Variants in GJA1 observed in about 807,000 individuals in gnomAD.
The protein encoded by GJA1 is gap junction alpha-1 protein.
Under a neutral mutation model 31.0 loss-of-function variants are expected in GJA1, and 9 were observed. The observed-to-expected ratio is 0.29, with a 90% CI of 0.17 to 0.51. The LOEUF (loss-of-function observed/expected upper bound fraction) is 0.51. Among genes scored for constraint, GJA1 ranks in the 20% least tolerant of loss-of-function variants. GJA1 has a pLI of 0.98. For missense variants in GJA1, 278 were observed against 468.8 expected (o/e 0.59, Z 3.76); for synonymous variants, 186 against 180.1 (o/e 1.03, Z -0.26).
In GJA1 at chr6:121,436,380, A is replaced by G. The variant is rs1447719123; in HGVS notation, c.-17+548A>G. ...TTCTTTTGTGACGAAGTGCTTTGTT[A>G]AAACATCGTGGTTACTTGACTTCCA... On this transcript the variant is annotated intron_variant, in intron 1 of 1. Transcript: ENST00000282561. Among the ~76,000 whole-genome samples the G allele has an allele frequency of 2.0e-5, 3 of 152,326 alleles. No individual in the cohort carries two copies. In the East Asian group the frequency reaches 5.8e-4, roughly 29 times the overall value.
chr6:121,436,706 G>T (rs949846322), intron 1 of GJA1, among the ~76,000 whole-genome samples: 3 of 151,882 alleles, frequency 2.0e-5, no homozygotes, highest in African/African-American at 7.3e-5. Flanking sequence ...AGAAAGAGCA[G>T]GAAAAAAACT....
chr6:121,448,242 T>TA lies in GJA1; in HGVS notation c.*247dup. The TA allele has an allele frequency of 3.5e-6, 2 of 564,530 alleles. No homozygotes were observed. Among genetic ancestry groups the TA allele is most frequent in the Non-Finnish European group, 6.5e-6 (2 of 306,750 alleles). 35.0% of individuals were successfully genotyped at this position (564,530 alleles called of 1,614,324 possible). On this transcript the variant is annotated 3_prime_UTR_variant, in exon 2 of 2. Coordinates refer to ENST00000282561, the MANE Select transcript of GJA1 (RefSeq NM_000165.5). ...TTTAAAGTAGTGGATTCAAAGAACT[T>TA]AGATTATAAATAAGAGTTCCATTAG...
intron 1 of GJA1, among the ~76,000 whole-genome samples, chr6:121,440,830 C>T (rs1329483673): frequency 1.3e-5 from 2 of 152,134 alleles, no homozygotes; most frequent in East Asian, 3.9e-4. Flanking sequence ...CAGCCTCCGC[C>T]TCCCGGGTTC....
rs1380209886 is a variant in GJA1, at chr6:121,448,586, T to G, written c.*590T>G. 5.9e-6 allele frequency: 1 copy of G among 170,528 alleles called. No homozygotes were observed. Among genetic ancestry groups the G allele is most frequent in the Non-Finnish European group, 1.4e-5 (1 of 70,140 alleles). The allele number at this position is 170,528 out of a possible 1,614,324, so 10.6% of individuals were successfully genotyped here. ...TTTATTCTTGGTATCAGTTTAAAAT[T>G]CAGACAAGGCCCACAGAATAAGATT... On this transcript the variant is annotated 3_prime_UTR_variant, in exon 2 of 2. Transcript: ENST00000282561.
In GJA1 at chr6:121,449,104, T is replaced by C. The variant is rs1341618193; in HGVS notation, c.*1108T>C. 1.2e-5 allele frequency: 2 copies of C among 166,678 alleles called. No homozygotes were observed. The highest frequency in any genetic ancestry group is 2.9e-5 in the Non-Finnish European group (2 of 68,130). 10.3% of individuals were successfully genotyped at this position (166,678 alleles called of 1,614,324 possible). A position where few individuals can be genotyped will look rare whatever the true frequency, so the allele number is the denominator to read the frequency against. On this transcript the variant is annotated 3_prime_UTR_variant, in exon 2 of 2. Transcript: ENST00000282561. Reference sequence around the variant, plus strand: ...TTTATTTTCTCTCCTTTTTTTAGGATATAGCAGTAATGCTATTACTGAAAT... The same window carrying C: ...TTTATTTTCTCTCCTTTTTTTAGGACATAGCAGTAATGCTATTACTGAAAT...
Position 121,448,443 on chromosome 6 carries a change from G to A in GJA1, c.*447G>A, listed in dbSNP as rs1233953276. ...TCTTAGGTCTTTTCAACAAGAAAAA[G>A]ACAGAGGATTGTCCTTAAGTCCCTG... is the stretch of plus-strand genomic sequence containing the variant. On this transcript the variant is annotated 3_prime_UTR_variant, in exon 2 of 2. Transcript: ENST00000282561. 2 of 215,250 alleles carry A rather than the reference G, an allele frequency of 9.3e-6. No individual in the cohort carries two copies. Among genetic ancestry groups the A allele is most frequent in the Non-Finnish European group, 2.1e-5 (2 of 96,286 alleles). 13.3% of individuals were successfully genotyped at this position (215,250 alleles called of 1,614,324 possible). A position where few individuals can be genotyped will look rare whatever the true frequency, so the allele number is the denominator to read the frequency against.
At position 121,447,618 on chromosome 6, in the gene GJA1, C is replaced by T. The variant is rs1376869681; in HGVS notation, c.771C>T (p.Ala257=). 1 of 1,613,710 alleles carries T rather than the reference C, an allele frequency of 6.2e-7. No individual in the cohort carries two copies. The highest frequency in any genetic ancestry group is 8.5e-7 in the Non-Finnish European group (1 of 1,179,934). ...YHATSGALSP[A]KDCGSQKYAY... ...CGACCAGTGGTGCGCTGAGCCCTGC[C>T]AAAGACTGTGGGTCTCAAAAATATG... The change falls in exon 2 of 2, where the codon GCC becomes GCT. Residue 257 remains alanine, a synonymous_variant. Transcript: ENST00000282561.
Position 121,447,975 on chromosome 6 carries a change from G to A in GJA1, c.1128G>A (p.Arg376=), listed in dbSNP as rs145215218. The change falls in exon 2 of 2, where the codon CGG becomes CGA. Residue 376 remains arginine (R), a synonymous_variant. Coordinates refer to ENST00000282561, the MANE Select transcript of GJA1 (RefSeq NM_000165.5). ...RASSRASSRP[R]PDDLEI Reference sequence around the variant, plus strand: ...GCAGTCGTGCCAGCAGCAGACCTCGGCCTGATGACCTGGAGATCTAGATAC... The same window carrying A: ...GCAGTCGTGCCAGCAGCAGACCTCGACCTGATGACCTGGAGATCTAGATAC... 8.4e-4 allele frequency: 1,353 copies of A among 1,613,208 alleles called. 2 individuals are homozygous for A. The highest frequency in any genetic ancestry group is 1.1e-3 in the Non-Finnish European group (1,276 of 1,179,780).
chr6:121,436,573 G>A (rs1009722315), intron 1 of GJA1, among the ~76,000 whole-genome samples: 2 of 152,226 alleles, frequency 1.3e-5, no homozygotes, highest in African/African-American at 4.8e-5. Flanking sequence ...CACGTTGGCA[G>A]TTTAGGAGAT....
rs903940354 is a variant in GJA1 at position 121,448,988 on chromosome 6, G to T, written c.*992G>T. On this transcript the variant is annotated 3_prime_UTR_variant, in exon 2 of 2. Transcript: ENST00000282561. ...ATGGTGTTTACATTATATAATTCCT[G>T]CTGTGGCAAGTAAAGCACACTTTTT... The T allele has an allele frequency of 6.0e-6, 1 of 166,022 alleles. No homozygotes were observed. The highest frequency in any genetic ancestry group is 1.5e-5 in the Non-Finnish European group (1 of 68,106). 10.3% of individuals were successfully genotyped at this position (166,022 alleles called of 1,614,324 possible). A position where few individuals can be genotyped will look rare whatever the true frequency, so the allele number is the denominator to read the frequency against.
At chr6:121,446,702 T>C in intron 1 of GJA1, 130 bp from the exon 2 acceptor site, 2 of 754,616 alleles carry the variant, frequency 2.7e-6, no homozygotes, top group South Asian at 3.1e-5. Context: ...TTGCACTTGG[T>C]TTTTTGTGAA....
intron 1 of GJA1, among the ~76,000 whole-genome samples, chr6:121,441,518 A>G (rs1474983565): frequency 6.6e-6 from 1 of 152,206 alleles, no homozygotes; most frequent in Admixed American, 6.5e-5. Context: ...AATATTTACT[A>G]TATCAAGTAG....
At chr6:121,437,154 G>T (rs909217454) in intron 1 of GJA1, among the ~76,000 whole-genome samples, 3 of 152,154 alleles carry the variant, frequency 2.0e-5, no homozygotes, top group Non-Finnish European at 4.4e-5. Flanking sequence ...TTCGCTGCCC[G>T]AACCAGCTCG....
Position 121,448,507 on chromosome 6 carries a change from A to C in GJA1, c.*511A>C. ...TTGTTAAAATTTGCACTTTGAAGGT[A>C]AGCTTTCTAGGCCTGACCCTCCAGG... On this transcript the variant is annotated 3_prime_UTR_variant, in exon 2 of 2. Transcript: ENST00000282561. 5.5e-6 allele frequency: 1 copy of C among 181,624 alleles called. No homozygotes were observed. Among genetic ancestry groups the C allele is most frequent in the South Asian group, 1.5e-4 (1 of 6,752 alleles). 11.3% of individuals were successfully genotyped at this position (181,624 alleles called of 1,614,324 possible).
At chr6:121,444,274 C>A (rs1395961463) in intron 1 of GJA1, among the ~76,000 whole-genome samples, 1 of 152,134 alleles carries the variant, frequency 6.6e-6, no homozygotes, top group Admixed American at 6.5e-5. Flanking sequence ...TAAAATGACC[C>A]TTCCTAAGTA....
rs751144223 is a variant in GJA1 at position 121,447,994 on chromosome 6, T to C, written c.1147T>C (p.Ter383GlnextTer4). Residue 383 changes from the stop codon to glutamine, a stop_lost, in exon 2 of 2, where the codon TAG becomes CAG. Transcript: ENST00000282561. ...SRPRPDDLEI[*>Q] The stretch of plus-strand genomic sequence containing the variant: ...ACCTCGGCCTGATGACCTGGAGATC[T>C]AGATACAGGCTTGAAAGCATCAAGA... 3 of 1,610,116 alleles carry C rather than the reference T, an allele frequency of 1.9e-6. No individual in the cohort carries two copies. The highest frequency in any genetic ancestry group is 2.2e-5 in the East Asian group (1 of 44,844).
intron 1 of GJA1, among the ~76,000 whole-genome samples, chr6:121,442,888 C>T (rs1032886133): frequency 6.6e-6 from 1 of 152,164 alleles, no homozygotes; most frequent in Admixed American, 6.5e-5. Flanking sequence ...GCTGCTAAGA[C>T]TCTGCTCTTA....
In GJA1 at chr6:121,448,822, G is replaced by A. The variant is rs755214920; in HGVS notation, c.*826G>A. 3 of 166,952 alleles carry A rather than the reference G, an allele frequency of 1.8e-5. No homozygotes were observed. The highest frequency in any genetic ancestry group is 3.9e-4 in the East Asian group (2 of 5,172). The allele number at this position is 166,952 out of a possible 1,614,324, so 10.3% of individuals were successfully genotyped here. ...CTTAATATTTAACAATCACTTATAT[G>A]TGTGTCGAAGAGTTTGTTTTGTTTG... On this transcript the variant is annotated 3_prime_UTR_variant, in exon 2 of 2. Transcript: ENST00000282561.
intron 1 of GJA1, among the ~76,000 whole-genome samples, chr6:121,446,295 T>TA (rs34014407): frequency 0.26 from 39,316 of 150,520 alleles, 5,342 homozygotes; most frequent in Non-Finnish European, 0.28. Flanking sequence ...AACACCATCT[T>TA]AAAAAAAAAA....
Sources: allele counts gnomAD v4.1 joint callset (sites outside exome capture counted in the v4.1 genomes callset), GRCh38; gene constraint gnomAD v4.1.1; transcripts MANE v1.5; gene names NCBI Gene and HGNC (gene_info 2026-07-23, HGNC 2026-07-21).